The following EYS variants were observed in gnomAD, a reference collection of about 807,000 sequenced individuals.
EYS encodes EGF-like photoreceptor maintenance factor.
In EYS, 250 loss-of-function variants were observed where a neutral mutation model predicts 282.1. That is an observed-to-expected ratio of 0.89 (90% CI 0.80 to 0.98). The LOEUF is 0.98. EYS is among the 50% of genes least tolerant of loss of function. The pLI, the probability that EYS is intolerant of heterozygous loss-of-function variation, is 0.00. For missense variants in EYS, 4,016 were observed against 3,709.0 expected (o/e 1.08, Z -2.15); for synonymous variants, 1,355 against 1,282.9 (o/e 1.06, Z -1.20).
intron 18 of EYS, among the ~76,000 whole-genome samples, chr6:64,889,794 G>A (rs1470320277): frequency 2.0e-5 from 3 of 151,850 alleles, no homozygotes. Flanking sequence ...TGCATTAACT[G>A]CACAAATTGT....
At chr6:64,205,329 A>G (rs889066045) in intron 31 of EYS, among the ~76,000 whole-genome samples, 2 of 152,136 alleles carry the variant, frequency 1.3e-5, no homozygotes, top group Non-Finnish European at 2.9e-5. Context: ...TGGGTGATGC[A>G]CTTTGATCTT....
intron 11 of EYS, among the ~76,000 whole-genome samples, chr6:65,306,464 C>T (rs1038622801): frequency 3.9e-5 from 6 of 152,030 alleles, no homozygotes; most frequent in Non-Finnish European, 8.8e-5. Context: ...CAGGTTTCAC[C>T]ACGGATTTTC....
At chr6:64,596,695 T>A (rs1327763192) in intron 24 of EYS, among the ~76,000 whole-genome samples, 2 of 152,134 alleles carry the variant, frequency 1.3e-5, no homozygotes, top group Non-Finnish European at 1.5e-5. Flanking sequence ...TCTCACCATA[T>A]ACAAAAATCA....
intron 19 of EYS, among the ~76,000 whole-genome samples, chr6:64,832,845 A>G (rs914901440): frequency 2.0e-5 from 3 of 151,950 alleles, no homozygotes; most frequent in African/African-American, 7.2e-5. Flanking sequence ...TCATAGGGCT[A>G]ATGTGAGTAT....
chr6:63,828,366 C>A (rs1771531608), intron 36 of EYS, among the ~76,000 whole-genome samples: 1 of 134,930 alleles, frequency 7.4e-6, no homozygotes, highest in African/African-American at 3.0e-5. Flanking sequence ...ATCCAAATAA[C>A]CTCACGAAGA....
chr6:64,354,415 T>G (rs543926917), intron 29 of EYS, among the ~76,000 whole-genome samples: 6 of 151,698 alleles, frequency 4.0e-5, no homozygotes, highest in African/African-American at 1.2e-4. Flanking sequence ...TAATCCTATA[T>G]GCTAGTGATT....
intron 19 of EYS, among the ~76,000 whole-genome samples, chr6:64,860,925 G>A (rs562248015): frequency 7.2e-5 from 11 of 152,304 alleles, no homozygotes; most frequent in East Asian, 1.9e-4. Flanking sequence ...CTGGGTTTCC[G>A]CCTGCCTCAG....
chr6:63,739,966 G>A (rs748559791), intron 41 of EYS, among the ~76,000 whole-genome samples: 5 of 151,760 alleles, frequency 3.3e-5, no homozygotes, highest in Non-Finnish European at 7.4e-5. Flanking sequence ...CCAAAGTGCT[G>A]GGATTACAGG....
intron 12 of EYS, among the ~76,000 whole-genome samples, chr6:65,110,416 CA>C (rs1317310812): frequency 2.0e-5 from 3 of 151,886 alleles, no homozygotes; most frequent in African/African-American, 7.3e-5. Flanking sequence ...ACACAAGTAC[CA>C]AAAAAGCTAG....
intron 2 of EYS, among the ~76,000 whole-genome samples, chr6:65,596,095 T>G (rs960931714): frequency 2.2e-4 from 33 of 151,914 alleles, no homozygotes; most frequent in African/African-American, 7.5e-4. Context: ...CATGAGTGAG[T>G]GTGAAAGAGC....
At chr6:63,843,748 G>A (rs148527872) in intron 36 of EYS, among the ~76,000 whole-genome samples, 1 of 152,248 alleles carries the variant, frequency 6.6e-6, no homozygotes, top group East Asian at 1.9e-4. Flanking sequence ...TTCTGGCAAG[G>A]GCAATCAGGT....
At chr6:64,473,169 C>A (rs933580980) in intron 26 of EYS, among the ~76,000 whole-genome samples, 2 of 152,074 alleles carry the variant, frequency 1.3e-5, no homozygotes, top group African/African-American at 4.8e-5. Context: ...TTATAAAACT[C>A]TGGGGATATT....
intron 35 of EYS, among the ~76,000 whole-genome samples, chr6:63,939,314 C>T (rs554565126): frequency 4.6e-4 from 70 of 152,060 alleles, no homozygotes; most frequent in African/African-American, 1.5e-3. Context: ...ATGATAAAGA[C>T]GCAGGAAAGT....
intron 5 of EYS, among the ~76,000 whole-genome samples, chr6:65,456,821 C>T (rs1301582166): frequency 6.6e-6 from 1 of 151,992 alleles, no homozygotes; most frequent in Non-Finnish European, 1.5e-5. Context: ...AGTTATTAGG[C>T]ATGAGAAAGT....
chr6:63,812,397 T>C (rs886308115), intron 36 of EYS, among the ~76,000 whole-genome samples: 2 of 152,316 alleles, frequency 1.3e-5, no homozygotes, highest in African/African-American at 4.8e-5. Flanking sequence ...TATTAAAGTA[T>C]TAATCTCCTA....
At chr6:64,531,565 T>TTTATTTTATTTTATTTTATC (rs1764338789) in intron 26 of EYS, among the ~76,000 whole-genome samples, 1 of 118,052 alleles carries the variant, frequency 8.5e-6, no homozygotes. Flanking sequence ...TTTATTTTAT[T>TTTATTTTATTTTATTTTATC]TTATTTTATT....
intron 32 of EYS, among the ~76,000 whole-genome samples, chr6:64,068,638 C>T (rs1165966559): frequency 6.6e-6 from 1 of 151,622 alleles, no homozygotes; most frequent in Non-Finnish European, 1.5e-5. Flanking sequence ...CACATGTACC[C>T]TAGAATTTAA....
intron 35 of EYS, among the ~76,000 whole-genome samples, chr6:63,876,748 T>C (rs1265734184): frequency 6.6e-6 from 1 of 152,212 alleles, no homozygotes; most frequent in Non-Finnish European, 1.5e-5. Context: ...TTTTGATCTT[T>C]GTTGATTTAA....
At chr6:65,679,880 A>G (rs751312056) in intron 1 of EYS, among the ~76,000 whole-genome samples, 1 of 151,880 alleles carries the variant, frequency 6.6e-6, no homozygotes, top group Non-Finnish European at 1.5e-5. Context: ...ATTTCTCACA[A>G]AGTGTGGTCT....
Sources: allele counts gnomAD v4.1 joint callset (sites outside exome capture counted in the v4.1 genomes callset), GRCh38; gene constraint gnomAD v4.1.1; transcripts MANE v1.5; gene names NCBI Gene and HGNC (gene_info 2026-07-23, HGNC 2026-07-21).